Variants in SERPINI2 observed in about 807,000 individuals in gnomAD.
The protein encoded by SERPINI2 is serpin family I member 2.
Under a neutral mutation model 47.3 loss-of-function variants are expected in SERPINI2, and 48 were observed. That is an observed-to-expected ratio of 1.02 (90% confidence interval 0.81 to 1.29). The LOEUF is 1.29. SERPINI2 is among the 50% of genes most tolerant of loss of function. The pLI is 0.00. For missense variants in SERPINI2, 448 were observed against 456.9 expected, an observed-to-expected ratio of 0.98 and a Z score of 0.18; for synonymous variants, 135 against 149.3, an observed-to-expected ratio of 0.90 and a Z score of 0.70.
Position 167,467,158 on chromosome 3 carries a change from A to ATT in SERPINI2, c.374_375insAA (p.His125GlnfsTer12). 1 of 1,613,544 alleles carries ATT rather than the reference A, an allele frequency of 6.2e-7. No homozygotes were observed. The highest frequency in any genetic ancestry group is 8.5e-7 in the Non-Finnish European group (1 of 1,179,720). On this transcript the variant is annotated frameshift_variant, in exon 3 of 9. Coordinates refer to ENST00000264677, the Ensembl canonical transcript of SERPINI2. LOFTEE classifies it high-confidence loss of function. ...CACTCTGAAAAAATTCCTTGTTGCC[A>ATT]TGGAGATACTGTTCTTTCACAGTGA...
At chr3:167,454,135 A>T (rs1199743247) in intron 5 of SERPINI2, among the ~76,000 whole-genome samples, 1 of 152,214 alleles carries the variant, frequency 6.6e-6, no homozygotes, top group Non-Finnish European at 1.5e-5. Context: ...ATCCTTGTTC[A>T]TTCAGCAGGT....
intron 6 of SERPINI2, among the ~76,000 whole-genome samples, chr3:167,449,920 G>A (rs186552984): frequency 6.6e-6 from 1 of 152,344 alleles, no homozygotes; most frequent in East Asian, 1.9e-4. Flanking sequence ...TATACAGAGA[G>A]AGATCAAGTT....
At chr3:167,462,321 A>T (rs1750005187) in intron 5 of SERPINI2, among the ~76,000 whole-genome samples, 1 of 152,178 alleles carries the variant, frequency 6.6e-6, no homozygotes, top group Non-Finnish European at 1.5e-5. Flanking sequence ...TAACAAATAG[A>T]TTGTCTCACA....
At chr3:167,476,812 A>G (rs1750492085), upstream of SERPINI2, among the ~76,000 whole-genome samples, 1 of 152,034 alleles carries the variant, frequency 6.6e-6, no homozygotes, top group South Asian at 2.1e-4. Flanking sequence ...AATCTCTTAT[A>G]CATGCCTTCA....
chr3:167,465,521 C>G, exon 4 of SERPINI2: 1 of 1,613,712 alleles, frequency 6.2e-7, no homozygotes, highest in Non-Finnish European at 8.5e-7. Context: ...GGAATTTTGA[C>G]AGTTGAACCA....
exon 3 of SERPINI2, chr3:167,467,076 A>T (rs749898636): frequency 3.6e-5 from 58 of 1,610,130 alleles, no homozygotes; most frequent in Non-Finnish European, 4.8e-5. Flanking sequence ...CTTTCTACCC[A>T]GGTACTTATC....
At chr3:167,464,324 T>C (rs1560235008) in intron 5 of SERPINI2, among the ~76,000 whole-genome samples, 1 of 152,012 alleles carries the variant, frequency 6.6e-6, no homozygotes, top group Non-Finnish European at 1.5e-5. Flanking sequence ...AGGAGTGGCT[T>C]GTTGAGTGGA....
exon 3 of SERPINI2, chr3:167,467,147 T>C: frequency 6.2e-7 from 1 of 1,613,500 alleles, no homozygotes; most frequent in South Asian, 1.1e-5. Context: ...CTGAAAAAAT[T>C]CCTTGTTGCC....
At chr3:167,466,153 A>G (rs1750128740) in intron 3 of SERPINI2, among the ~76,000 whole-genome samples, 1 of 152,110 alleles carries the variant, frequency 6.6e-6, no homozygotes, top group Non-Finnish European at 1.5e-5. Flanking sequence ...TTTTCCTCCA[A>G]ATAACTGGTC....
At chr3:167,443,340 C>G (rs1370126183) in intron 8 of SERPINI2, among the ~76,000 whole-genome samples, 4 of 152,200 alleles carry the variant, frequency 2.6e-5, no homozygotes, top group Non-Finnish European at 5.9e-5. Context: ...ATCTCCTGAC[C>G]TCGTGATCCT....
chr3:167,469,583 T>G (rs916988726), intron 2 of SERPINI2: 3 of 152,048 alleles, frequency 2.0e-5, no homozygotes, highest in African/African-American at 7.2e-5. Flanking sequence ...TTCAAAACCC[T>G]GTGGAAAAAA....
intron 7 of SERPINI2, chr3:167,446,814 T>G (rs1158689928): frequency 6.2e-6 from 1 of 162,116 alleles, no homozygotes; most frequent in African/African-American, 2.4e-5. Context: ...ATTTGCATTA[T>G]ATGATTTATT....
intron 5 of SERPINI2, among the ~76,000 whole-genome samples, chr3:167,458,792 A>G (rs953508212): frequency 2.6e-5 from 4 of 152,208 alleles, no homozygotes; most frequent in African/African-American, 7.2e-5. Flanking sequence ...TACTCATTGA[A>G]TGGCAATCAA....
At chr3:167,449,342 T>C in exon 7 of SERPINI2, 1 of 1,613,096 alleles carries the variant, frequency 6.2e-7, no homozygotes, top group East Asian at 2.2e-5. Flanking sequence ...TTCACTACCA[T>C]CTTCATTTAT....
At chr3:167,475,147 C>G (rs1750450008), upstream of SERPINI2, among the ~76,000 whole-genome samples, 1 of 151,696 alleles carries the variant, frequency 6.6e-6, no homozygotes, top group South Asian at 2.1e-4. Context: ...TTTTCTAGAT[C>G]TTGAGTTTTA....
At chr3:167,451,164 CTTTT>C in intron 6 of SERPINI2, among the ~76,000 whole-genome samples, 1 of 152,000 alleles carries the variant, frequency 6.6e-6, no homozygotes, top group East Asian at 1.9e-4. Context: ...TACATACATT[CTTTT>C]ATTTATTTCC....
At chr3:167,471,791 C>T in exon 2 of SERPINI2, 1 of 1,612,948 alleles carries the variant, frequency 6.2e-7, no homozygotes, top group South Asian at 1.1e-5. Flanking sequence ...GGCTTGACTT[C>T]CAAAAAACAG....
At chr3:167,449,443 A>C in intron 6 of SERPINI2, 41 bp from the exon 7 acceptor site, 1 of 1,272,040 alleles carries the variant, frequency 7.9e-7, no homozygotes, top group Non-Finnish European at 1.1e-6. Flanking sequence ...TTAAGAGTTA[A>C]AATCAAAAGC....
At chr3:167,451,811 G>A (rs1749648973) in intron 6 of SERPINI2, among the ~76,000 whole-genome samples, 1 of 152,178 alleles carries the variant, frequency 6.6e-6, no homozygotes, top group South Asian at 2.1e-4. Context: ...AGAAAAGGAA[G>A]TGCATGAAAA....
Sources: gnomAD v4.1 joint callset for allele counts (sites outside exome capture counted in the v4.1 genomes callset) on GRCh38, gnomAD v4.1.1 for gene constraint, MANE v1.5 for transcripts, NCBI Gene and HGNC (gene_info 2026-07-23, HGNC 2026-07-21) for gene names.